HSF2BP: variants seen among roughly 807,000 people sequenced by gnomAD.
HSF2BP encodes heat shock factor 2-binding protein.
A neutral mutation model predicts 35.0 loss-of-function variants in HSF2BP; 35 were observed. That is an observed-to-expected ratio of 1.00 (90% CI 0.76 to 1.32). The LOEUF (loss-of-function observed/expected upper bound fraction) is 1.32, where lower values mean the gene tolerates loss of function less well. Ranked by LOEUF, HSF2BP falls within the 40% of genes most tolerant of loss-of-function variation. HSF2BP has a pLI of 0.00. For missense variants in HSF2BP, 326 were observed against 321.7 expected, an observed-to-expected ratio of 1.01 and a Z score of -0.10; for synonymous variants, 114 against 117.4, an observed-to-expected ratio of 0.97 and a Z score of 0.18.
At chr21:43,637,215 T>C (rs1483895606) in intron 4 of HSF2BP, among the ~76,000 whole-genome samples, 3 of 152,182 alleles carry the variant, frequency 2.0e-5, no homozygotes, top group African/African-American at 7.2e-5. Context: ...ATCCATCCAA[T>C]GGAATATTGT....
At chr21:43,603,313 C>A (rs562711715) in intron 7 of HSF2BP, among the ~76,000 whole-genome samples, 101 of 152,318 alleles carry the variant, frequency 6.6e-4, no homozygotes, top group Non-Finnish European at 8.5e-4. Flanking sequence ...ATCCTGCCCA[C>A]ACCAGGCCCT....
intron 7 of HSF2BP, among the ~76,000 whole-genome samples, chr21:43,610,942 A>G (rs975146183): frequency 3.9e-5 from 6 of 152,212 alleles, no homozygotes; most frequent in Admixed American, 6.5e-5. Context: ...AGGATAATCC[A>G]AATATTACAT....
rs370994543 is a variant in HSF2BP at position 43,656,730 on chromosome 21, C to T, written c.44G>A (p.Gly15Glu). The T allele has an allele frequency of 2.0e-5, 32 of 1,610,824 alleles. No individual in the cohort carries two copies. The highest frequency in any genetic ancestry group is 2.7e-5 in the Non-Finnish European group (32 of 1,179,136). ...GACTTTAACAAATTCCTCTTTAGTT[C>T]CCATGTGCTAAAAGAACAAGCAGAT... ...GAAEEACRHM[G>E]TKEEFVKVRK... Residue 15 changes from glycine (G) to glutamate (E), a missense_variant, in exon 3 of 9, where the codon GGA (glycine) becomes GAA (glutamate). Gly to Glu is a moderately conservative substitution (Grantham distance 98). Coordinates refer to ENST00000291560, the MANE Select transcript of HSF2BP (RefSeq NM_007031.2).
intron 8 of HSF2BP, among the ~76,000 whole-genome samples, chr21:43,576,943 T>C (rs868794466): frequency 7.9e-5 from 12 of 152,234 alleles, no homozygotes; most frequent in African/African-American, 2.9e-4. Context: ...CAATTTCATG[T>C]GGTTCAACCT....
At chr21:43,457,759 C>T in the HSF2BP span, among the ~76,000 whole-genome samples, 1 of 1,882 alleles carries the variant, frequency 5.3e-4, no homozygotes, top group South Asian at 9.1e-3. Flanking sequence ...GTTGCTGGGA[C>T]GCTGTGATGG....
At chr21:43,641,438 C>T (rs1020299499) in intron 4 of HSF2BP, among the ~76,000 whole-genome samples, 15 of 152,146 alleles carry the variant, frequency 9.9e-5, no homozygotes, top group African/African-American at 3.4e-4. Flanking sequence ...TGCACCTCCT[C>T]CACTGACCCA....
chr21:43,612,230 A>G (rs960834033), intron 7 of HSF2BP, among the ~76,000 whole-genome samples: 4 of 152,234 alleles, frequency 2.6e-5, no homozygotes, highest in Non-Finnish European at 4.4e-5. Context: ...TAAATCCAAA[A>G]TTACTTGGCA....
At chr21:43,581,872 CTGTGGGGGA>C (rs1568884306) in intron 8 of HSF2BP, among the ~76,000 whole-genome samples, 59 of 29,746 alleles carry the variant, frequency 2.0e-3, no homozygotes, top group African/African-American at 6.2e-3. Flanking sequence ...AGGGGCCCTG[CTGTGGGGGA>C]TGAGGGCCTG....
Position 43,613,938 on chromosome 21 carries a change from G to A in HSF2BP, c.584C>T (p.Ala195Val). 6.2e-7 allele frequency: 1 copy of A among 1,607,452 alleles called. No individual in the cohort carries two copies. The highest frequency in any genetic ancestry group is 8.5e-7 in the Non-Finnish European group (1 of 1,176,832). ...ALAGIVTNVA[A>V]IACGREFLVN... ...CAAGAATTCACGACCACATGCTATA[G>A]CAGCAACATCTGCAACAGAAAATGA... The change falls in exon 7 of 9, where the codon GCT becomes GTT. Residue 195 changes from alanine (A) to valine (V), a missense_variant. Transcript: ENST00000291560.
At chr21:43,607,069 A>C (rs1360408836) in intron 7 of HSF2BP, among the ~76,000 whole-genome samples, 1 of 152,118 alleles carries the variant, frequency 6.6e-6, no homozygotes, top group African/African-American at 2.4e-5. Context: ...AAGGCGGATC[A>C]CTTGAGCTCA....
chr21:43,607,205 G>A (rs914172258), intron 7 of HSF2BP, among the ~76,000 whole-genome samples: 4 of 151,778 alleles, frequency 2.6e-5, no homozygotes, highest in East Asian at 3.9e-4. Flanking sequence ...CAGGAGAATC[G>A]CTTGAGATCA....
chr21:43,588,902 C>T (rs907448506), intron 8 of HSF2BP, among the ~76,000 whole-genome samples: 2 of 152,182 alleles, frequency 1.3e-5, no homozygotes, highest in Non-Finnish European at 2.9e-5. Flanking sequence ...ACAAGCATAG[C>T]CCCCTGGACC....
At chr21:43,641,132 A>G (rs1201262021) in intron 4 of HSF2BP, among the ~76,000 whole-genome samples, 1 of 152,122 alleles carries the variant, frequency 6.6e-6, no homozygotes, top group Non-Finnish European at 1.5e-5. Context: ...AGCTGGGACT[A>G]CAGGCGCCCA....
chr21:43,623,613 T>G (rs2082355958), intron 6 of HSF2BP, among the ~76,000 whole-genome samples: 1 of 152,196 alleles, frequency 6.6e-6, no homozygotes, highest in African/African-American at 2.4e-5. Flanking sequence ...TGCTGTTTGT[T>G]AAGAGGGTCT....
chr21:43,641,152 C>T (rs145112013), intron 4 of HSF2BP, among the ~76,000 whole-genome samples: 6,230 of 152,198 alleles, frequency 0.041, 442 homozygotes, highest in African/African-American at 0.14. Flanking sequence ...ACCACCACGC[C>T]TGGCTAATTT....
intron 7 of HSF2BP, among the ~76,000 whole-genome samples, chr21:43,606,101 G>A (rs573164511): frequency 1.0e-3 from 156 of 152,276 alleles, no homozygotes; most frequent in African/African-American, 2.9e-3. Context: ...AAGTAAAGCC[G>A]CCTGCCGGGA....
chr21:43,633,278 CA>C lies in HSF2BP; in HGVS notation c.434del (p.Leu145TrpfsTer7). ...GCCCACTGACCATACTTACTCCTCC[CA>C]AAATGGCCTTGACGACTTCCTCACT... is the stretch of plus-strand genomic sequence containing the variant. ...SSSEEVVKAI[L>X]GGDKALKFFS... On this transcript the variant is annotated frameshift_variant, in exon 5 of 9. Coordinates refer to ENST00000291560, the MANE Select transcript of HSF2BP (RefSeq NM_007031.2). LOFTEE classifies it high-confidence loss of function. The C allele has an allele frequency of 6.2e-7, 1 of 1,611,888 alleles. No homozygotes were observed. The highest frequency in any genetic ancestry group is 1.7e-5 in the Admixed American group (1 of 59,390).
chr21:43,653,760 A>C (rs1241704441), intron 3 of HSF2BP, among the ~76,000 whole-genome samples: 1 of 152,212 alleles, frequency 6.6e-6, no homozygotes, highest in Non-Finnish European at 1.5e-5. Context: ...GGAGAGTGGC[A>C]GTGAGGAGAC....
rs1012700556 is a variant in HSF2BP at position 43,597,526 on chromosome 21, CT to C, written c.693-5199del. ...TAATAAGCAAAACTTTAATTTTTTA[CT>C]TTTTTTTCCTAGAGCTAGGGTCTCA... On this transcript the variant is annotated intron_variant, in intron 7 of 8. Transcript: ENST00000291560. This position sits in a 1 kb window ranked among gnomAD's most constrained non-coding sequence, Gnocchi z 4.3. Among the ~76,000 whole-genome samples the C allele has an allele frequency of 6.6e-6, 1 of 151,864 alleles. No homozygotes were observed. Among genetic ancestry groups the C allele is most frequent in the Non-Finnish European group, 1.5e-5 (1 of 67,980 alleles).
Sources: allele counts gnomAD v4.1 joint callset (sites outside exome capture counted in the v4.1 genomes callset), GRCh38; gene constraint gnomAD v4.1.1; non-coding constraint Gnocchi (gnomAD v3.1); transcripts MANE v1.5; gene names NCBI Gene and HGNC (gene_info 2026-07-23, HGNC 2026-07-21).